NAV3: variants seen among roughly 807,000 people sequenced by gnomAD.
NAV3 encodes neuron navigator 3.
Under a neutral mutation model 244.7 loss-of-function variants are expected in NAV3, and 87 were observed. That is an observed-to-expected ratio of 0.36 (90% CI 0.30 to 0.42). The LOEUF is 0.42. Among genes scored for constraint, NAV3 ranks in the 20% least tolerant of loss-of-function variants. The probability of loss-of-function intolerance (pLI) is 1.00; values close to 1 mark genes in which losing one functional copy is unlikely to be tolerated. For synonymous variants in NAV3, 1,126 were observed against 1,042.2 expected (o/e 1.08, Z -1.55); for missense variants, 2,663 against 2,893.3 (o/e 0.92, Z 1.83).
intron 1 of NAV3, among the ~76,000 whole-genome samples, chr12:77,857,626 A>G (rs1220727640): frequency 1.3e-5 from 2 of 151,842 alleles, no homozygotes; most frequent in South Asian, 2.1e-4. Flanking sequence ...GTAATTATAT[A>G]TATATATGAC....
intron 9 of NAV3, among the ~76,000 whole-genome samples, chr12:78,027,453 A>AT (rs1878255242): frequency 2.3e-5 from 2 of 85,930 alleles, no homozygotes. Flanking sequence ...CCAAAAAAAA[A>AT]GGGTGGGGGG....
rs1179851645 is a variant in NAV3, at chr12:78,035,393, C to T, written c.2023+13531C>T. Among the ~76,000 whole-genome samples, 4 of 152,212 alleles carry T rather than the reference C, an allele frequency of 2.6e-5. No individual in the cohort carries two copies. In the East Asian group the frequency reaches 7.7e-4, roughly 29 times the overall value. ...AGTCTTCTTAACTGTCAATGGTACCCATGATTTCTGCTATACTATATATTT... is the reference window on the plus strand; with the variant it reads ...AGTCTTCTTAACTGTCAATGGTACCTATGATTTCTGCTATACTATATATTT... On this transcript the variant is annotated intron_variant, in intron 9 of 39. Coordinates refer to ENST00000397909, the MANE Select transcript of NAV3 (RefSeq NM_001024383.2).
chr12:77,573,589 T>C (rs1284636418), intron 2 of NAV3, among the ~76,000 whole-genome samples: 1 of 152,202 alleles, frequency 6.6e-6, no homozygotes, highest in Non-Finnish European at 1.5e-5. Context: ...CTGGAGTGTT[T>C]ACCCAGAGGA....
intron 8 of NAV3, among the ~76,000 whole-genome samples, chr12:78,020,073 T>C (rs1876893425): frequency 6.6e-6 from 1 of 152,104 alleles, no homozygotes; most frequent in African/African-American, 2.4e-5. Flanking sequence ...AGACAAAAAC[T>C]GGAAGAAGAA....
intron 2 of NAV3, among the ~76,000 whole-genome samples, chr12:77,750,543 TAA>T (rs1289802928): frequency 2.1e-5 from 3 of 139,822 alleles, no homozygotes; most frequent in Admixed American, 7.2e-5. Flanking sequence ...ACCCTGTCTC[TAA>T]AAAAAAAAAA....
chr12:78,074,152 T>G (rs1221362634), intron 12 of NAV3, among the ~76,000 whole-genome samples: 3 of 150,852 alleles, frequency 2.0e-5, no homozygotes, highest in Non-Finnish European at 2.9e-5. Context: ...GTGGGAAAAG[T>G]CAAGAAGGAG....
chr12:77,919,080 A>G (rs965669799), intron 1 of NAV3, among the ~76,000 whole-genome samples: 1 of 152,100 alleles, frequency 6.6e-6, no homozygotes, highest in Non-Finnish European at 1.5e-5. Flanking sequence ...AAATACTTTT[A>G]AAGAAAACAA....
At chr12:77,601,521 T>G (rs79587590) in intron 2 of NAV3, among the ~76,000 whole-genome samples, 2,772 of 152,046 alleles carry the variant, frequency 0.018, 42 homozygotes, top group Middle Eastern at 0.075. Context: ...CATCATATCA[T>G]AAAGGCTGAG....
chr12:77,913,972 CT>C (rs5799357), intron 1 of NAV3, among the ~76,000 whole-genome samples: 79,307 of 150,364 alleles, frequency 0.53, 21,381 homozygotes, highest in African/African-American at 0.66. Context: ...GTTGACTGTC[CT>C]TTTTTTTTTC....
chr12:78,200,601 T>C lies in NAV3; in HGVS notation c.6834+10T>C. 1.5e-6 allele frequency: 2 copies of C among 1,292,188 alleles called. No individual in the cohort carries two copies. Among genetic ancestry groups the C allele is most frequent in the Non-Finnish European group, 2.1e-6 (2 of 942,010 alleles). 80.0% of individuals were successfully genotyped at this position (1,292,188 alleles called of 1,614,324 possible). A position where few individuals can be genotyped will look rare whatever the true frequency, so the allele number is the denominator to read the frequency against. On this transcript the variant is annotated intron_variant, in intron 38 of 39. Coordinates refer to ENST00000397909, the MANE Select transcript of NAV3 (RefSeq NM_001024383.2). ...GAGAGAGGGTCTTCAGGTATAGTAC[T>C]CAATTTTCATTGCTATTTTTTTTTA...
At chr12:77,698,097 A>ACC (rs1262055993) in intron 2 of NAV3, among the ~76,000 whole-genome samples, 1 of 152,132 alleles carries the variant, frequency 6.6e-6, no homozygotes, top group Non-Finnish European at 1.5e-5. Flanking sequence ...AGAATGTGGT[A>ACC]TCTAAAGGCG....
At chr12:77,905,189 G>T (rs1368445797) in intron 1 of NAV3, among the ~76,000 whole-genome samples, 1 of 152,038 alleles carries the variant, frequency 6.6e-6, no homozygotes, top group African/African-American at 2.4e-5. Flanking sequence ...TGGATTTTGA[G>T]ATTCAAGATG....
chr12:77,870,951 A>G (rs911524238), intron 1 of NAV3, among the ~76,000 whole-genome samples: 1 of 152,190 alleles, frequency 6.6e-6, no homozygotes, highest in Non-Finnish European at 1.5e-5. Context: ...GGAGGTAAAG[A>G]GATTAAAAAA....
intron 9 of NAV3, among the ~76,000 whole-genome samples, chr12:78,028,532 C>T (rs11107918): frequency 0.074 from 11,251 of 152,182 alleles, 715 homozygotes; most frequent in East Asian, 0.29. Context: ...GTAAGGATGC[C>T]AAGGACGGAG....
At chr12:78,180,089 A>G (rs1958435503) in intron 29 of NAV3, among the ~76,000 whole-genome samples, 1 of 152,162 alleles carries the variant, frequency 6.6e-6, no homozygotes, top group African/African-American at 2.4e-5. Flanking sequence ...AGTAATGAGG[A>G]AACTATAGAA....
intron 9 of NAV3, among the ~76,000 whole-genome samples, chr12:78,039,621 T>C (rs183443686): frequency 5.9e-5 from 9 of 152,214 alleles, no homozygotes; most frequent in Admixed American, 5.2e-4. Context: ...GATTTATTCA[T>C]ACAGATTTGA....
At chr12:77,813,867 A>G (rs1376266853) in intron 2 of NAV3, among the ~76,000 whole-genome samples, 2 of 152,184 alleles carry the variant, frequency 1.3e-5, no homozygotes, top group African/African-American at 4.8e-5. Context: ...TTATTTCAGT[A>G]TGGTTTTCTT....
chr12:77,882,523 A>C (rs575759186), intron 1 of NAV3, among the ~76,000 whole-genome samples: 1 of 152,274 alleles, frequency 6.6e-6, no homozygotes, highest in Non-Finnish European at 1.5e-5. Flanking sequence ...CAGGCTTTAT[A>C]AGAATTTCTG....
chr12:78,185,190 T>A (rs556830096), intron 30 of NAV3, among the ~76,000 whole-genome samples: 1 of 151,972 alleles, frequency 6.6e-6, no homozygotes, highest in Admixed American at 6.6e-5. Flanking sequence ...TTTCAGCACC[T>A]TTACATTTAT....
Sources: gnomAD v4.1 joint callset for allele counts (sites outside exome capture counted in the v4.1 genomes callset) on GRCh38, gnomAD v4.1.1 for gene constraint, MANE v1.5 for transcripts, NCBI Gene and HGNC (gene_info 2026-07-23, HGNC 2026-07-21) for gene names.